ADGRL2: variants seen among roughly 807,000 people sequenced by gnomAD.
ADGRL2 encodes the protein calcium-independent alpha-latrotoxin receptor 2.
In ADGRL2, 44 loss-of-function variants were observed where a neutral mutation model predicts 157.4. The ratio of observed to expected loss-of-function variants is 0.28; its 90% CI spans 0.22 to 0.36. The LOEUF is 0.36. ADGRL2 is among the 10% of genes least tolerant of loss of function. ADGRL2 has a pLI of 1.00. For synonymous variants in ADGRL2, 585 were observed against 624.7 expected, an observed-to-expected ratio of 0.94 and a Z score of 0.95; for missense variants, 1,510 against 1,768.9, an observed-to-expected ratio of 0.85 and a Z score of 2.63.
chr1:81,747,042 A>G (rs1265477334), intron 1 of ADGRL2, among the ~76,000 whole-genome samples: 20 of 147,140 alleles, frequency 1.4e-4, no homozygotes, highest in African/African-American at 4.7e-4. Context: ...ACGTATATAT[A>G]TGTATATACG....
At chr1:81,328,527 C>A (rs991678805) in intron 1 of ADGRL2, among the ~76,000 whole-genome samples, 1 of 152,074 alleles carries the variant, frequency 6.6e-6, no homozygotes, top group African/African-American at 2.4e-5. Flanking sequence ...CTCTACCCTA[C>A]CCCAGTAATA....
intron 3 of ADGRL2, among the ~76,000 whole-genome samples, chr1:81,687,462 C>T (rs1344501534): frequency 6.6e-6 from 1 of 152,140 alleles, no homozygotes; most frequent in Non-Finnish European, 1.5e-5. Flanking sequence ...AATAGCTACC[C>T]CTGCTCACTT....
intron 6 of ADGRL2, among the ~76,000 whole-genome samples, chr1:81,944,485 G>A (rs774477924): frequency 6.6e-6 from 1 of 152,020 alleles, no homozygotes; most frequent in Non-Finnish European, 1.5e-5. Context: ...GGTTTATTAA[G>A]TGAGTTCAGT....
Position 81,966,380 on chromosome 1 carries a change from A to T in ADGRL2, c.2144-24A>T, listed in dbSNP as rs770361888. 5.6e-6 allele frequency: 9 copies of T among 1,603,584 alleles called. No homozygotes were observed. In the South Asian group the frequency reaches 8.8e-5, roughly 16 times the overall value. On this transcript the variant is annotated intron_variant, in intron 12 of 23. Transcript: ENST00000686636. ...TTAACAAGCATGTTTTTTGTACATCATGTGACTATTTTTACCTTCCTAGGG... is the reference window on the plus strand; with the variant it reads ...TTAACAAGCATGTTTTTTGTACATCTTGTGACTATTTTTACCTTCCTAGGG...
rs1028099610 is a variant in ADGRL2 at position 81,980,725 on chromosome 1, A to G, written c.3113+765A>G. The G allele has an allele frequency of 5.5e-5, 33 of 602,460 alleles. No homozygotes were observed. In the African/African-American group the frequency reaches 5.5e-4, roughly 10 times the overall value. The allele number at this position is 602,460 out of a possible 1,614,324, so 37.3% of individuals were successfully genotyped here. The stretch of plus-strand genomic sequence containing the variant: ...GCTTCATTGCATGTTGCATGGTAAG[A>G]GAGAGAGCTAATCTTTAGCATCTCT... On this transcript the variant is annotated intron_variant, in intron 18 of 23. Coordinates refer to ENST00000686636, the MANE Select transcript of ADGRL2 (RefSeq NM_001366006.2).
chr1:81,554,462 T>C (rs2148405900), intron 2 of ADGRL2, among the ~76,000 whole-genome samples: 1 of 151,858 alleles, frequency 6.6e-6, no homozygotes, highest in African/African-American at 2.4e-5. Context: ...CTATTTCCCC[T>C]CTTAGCTATT....
At chr1:81,786,451 C>T (rs2087050988) in intron 2 of ADGRL2, among the ~76,000 whole-genome samples, 1 of 152,072 alleles carries the variant, frequency 6.6e-6, no homozygotes, top group African/African-American at 2.4e-5. Flanking sequence ...TGGTGCACAC[C>T]TATAATCCCA....
chr1:81,816,538 G>T (rs1198752054), intron 1 of ADGRL2, among the ~76,000 whole-genome samples: 1 of 151,622 alleles, frequency 6.6e-6, no homozygotes, highest in Non-Finnish European at 1.5e-5. Flanking sequence ...CAAACTATTT[G>T]ATCTCCTAAA....
chr1:81,405,919 A>G (rs1165402297), intron 1 of ADGRL2, among the ~76,000 whole-genome samples: 1 of 152,166 alleles, frequency 6.6e-6, no homozygotes, highest in Non-Finnish European at 1.5e-5. Flanking sequence ...ATAAAAAGTT[A>G]TATAATTTTA....
intron 1 of ADGRL2, among the ~76,000 whole-genome samples, chr1:81,309,150 G>A (rs1482976747): frequency 1.3e-5 from 2 of 152,080 alleles, no homozygotes; most frequent in East Asian, 1.9e-4. Context: ...AATGATGTGC[G>A]TCATCAGCAG....
intron 1 of ADGRL2, among the ~76,000 whole-genome samples, chr1:81,374,409 TA>T (rs1232291539): frequency 6.6e-6 from 1 of 151,924 alleles, no homozygotes; most frequent in Admixed American, 6.6e-5. Flanking sequence ...CCATCTCTAC[TA>T]AAAGTACAAA....
intron 2 of ADGRL2, among the ~76,000 whole-genome samples, chr1:81,526,680 T>C (rs2079465078): frequency 6.6e-6 from 1 of 152,218 alleles, no homozygotes; most frequent in Non-Finnish European, 1.5e-5. Context: ...GGAATGTTTG[T>C]ATTTTTTCTG....
chr1:81,437,610 C>T (rs1214853158), intron 1 of ADGRL2, among the ~76,000 whole-genome samples: 1 of 152,096 alleles, frequency 6.6e-6, no homozygotes, highest in African/African-American at 2.4e-5. Flanking sequence ...TTGATAATTG[C>T]CCTCTCTATT....
intron 1 of ADGRL2, among the ~76,000 whole-genome samples, chr1:81,442,144 T>A (rs2077518992): frequency 6.6e-6 from 1 of 152,224 alleles, no homozygotes; most frequent in Non-Finnish European, 1.5e-5. Flanking sequence ...ACATTATGTA[T>A]CTAAGCTCTC....
intron 2 of ADGRL2, among the ~76,000 whole-genome samples, chr1:81,478,243 G>A (rs1455922978): frequency 6.6e-6 from 1 of 152,150 alleles, no homozygotes; most frequent in Non-Finnish European, 1.5e-5. Context: ...TGAGGTATCA[G>A]ATAAGAGATG....
At chr1:81,825,716 A>G (rs2091422317) in intron 1 of ADGRL2, among the ~76,000 whole-genome samples, 2 of 150,886 alleles carry the variant, frequency 1.3e-5, no homozygotes, top group South Asian at 4.2e-4. Context: ...GAGTGAAATA[A>G]TAATACATGT....
intron 1 of ADGRL2, among the ~76,000 whole-genome samples, chr1:81,801,872 CG>C (rs2088220198): frequency 6.6e-6 from 1 of 152,162 alleles, no homozygotes; most frequent in Non-Finnish European, 1.5e-5. Context: ...CTCTGATTCC[CG>C]ATTTTTTTTT....
intron 17 of ADGRL2, among the ~76,000 whole-genome samples, chr1:81,973,137 G>T (rs1435937171): frequency 5.3e-5 from 8 of 152,070 alleles, no homozygotes; most frequent in African/African-American, 1.7e-4. Context: ...CACTTCAAGT[G>T]TATATTTGTT....
In ADGRL2 at chr1:81,575,659, A is replaced by AT. The variant is rs545452160; in HGVS notation, c.-247-5209dup. ...TCAGAGAATAGAAAAATACATACAG[A>AT]TTTTTTTTGTTTCTTGGTTTTTGGA... On this transcript the variant is annotated intron_variant, in intron 2 of 24. Coordinates refer to the ADGRL2 transcript ENST00000370721. Among the ~76,000 whole-genome samples, 7 of 152,112 alleles carry AT rather than the reference A, an allele frequency of 4.6e-5. No homozygotes were observed. The East Asian group carries it at 1.2e-3, about 25-fold the overall frequency.
Sources: gnomAD v4.1 joint callset for allele counts (sites outside exome capture counted in the v4.1 genomes callset) on GRCh38, gnomAD v4.1.1 for gene constraint, MANE v1.5 for transcripts, NCBI Gene and HGNC (gene_info 2026-07-23, HGNC 2026-07-21) for gene names.